The following PCSK2 variants were observed in gnomAD, a reference collection of about 807,000 sequenced individuals.
PCSK2 encodes the protein proprotein convertase subtilisin/kexin type 2.
In PCSK2, 14 loss-of-function variants were observed where a neutral mutation model predicts 69.7. The observed-to-expected ratio is 0.20, with a 90% confidence interval of 0.13 to 0.31. The LOEUF (loss-of-function observed/expected upper bound fraction) is 0.31. Among genes scored for constraint, PCSK2 ranks in the 10% least tolerant of loss-of-function variants. The pLI, the probability that PCSK2 is intolerant of heterozygous loss-of-function variation, is 1.00. For synonymous variants in PCSK2, 307 were observed against 320.7 expected (o/e 0.96, Z 0.46); for missense variants, 544 against 842.5 (o/e 0.65, Z 4.39).
At chr20:17,260,196 A>G (rs754631463) in intron 1 of PCSK2, 44 bp from the exon 2 acceptor site, 24 of 1,307,356 alleles carry the variant, frequency 1.8e-5, no homozygotes, top group South Asian at 1.2e-5. Flanking sequence ...CCCTGGGCCA[A>G]CCCCAGAAGC....
chr20:17,233,750 C>T (rs1276476757), intron 1 of PCSK2, among the ~76,000 whole-genome samples: 1 of 152,190 alleles, frequency 6.6e-6, no homozygotes, highest in African/African-American at 2.4e-5. Flanking sequence ...GCACCAGATT[C>T]ATTGCTCCTT....
At chr20:17,334,503 G>A (rs1382693589) in intron 2 of PCSK2, among the ~76,000 whole-genome samples, 3 of 152,142 alleles carry the variant, frequency 2.0e-5, no homozygotes, top group Admixed American at 6.5e-5. Flanking sequence ...TGGTGACAGC[G>A]ATCAGAGCGG....
chr20:17,335,852 T>C (rs1990335002), intron 2 of PCSK2, among the ~76,000 whole-genome samples: 1 of 107,274 alleles, frequency 9.3e-6, no homozygotes, highest in Non-Finnish European at 1.9e-5. Context: ...TGAGTAGTAG[T>C]CCATGGTGTG....
intron 2 of PCSK2, among the ~76,000 whole-genome samples, chr20:17,337,533 T>C (rs1310776275): frequency 1.3e-5 from 2 of 152,290 alleles, no homozygotes; most frequent in Middle Eastern, 3.4e-3. Flanking sequence ...GAAAATAAAA[T>C]TGGCTTTTCT....
intron 2 of PCSK2, among the ~76,000 whole-genome samples, chr20:17,287,976 G>A (rs1988575559): frequency 6.6e-6 from 1 of 152,226 alleles, no homozygotes; most frequent in Non-Finnish European, 1.5e-5. Flanking sequence ...TGGGGATGGG[G>A]TGTTTTTCCT....
rs988932058 is a variant in PCSK2 at position 17,355,280 on chromosome 20, A to C, written c.283-3047A>C. Among the ~76,000 whole-genome samples, 3 of 152,184 alleles carry C rather than the reference A, an allele frequency of 2.0e-5. No homozygotes were observed. The South Asian group carries it at 6.2e-4, about 31-fold the overall frequency. ...GAGTATTTTTGTTCTTACGCTACTG[A>C]GAAACAACATATTGCTTAGAGTTTT... On this transcript the variant is annotated intron_variant, in intron 2 of 11. Coordinates refer to ENST00000262545, the MANE Select transcript of PCSK2 (RefSeq NM_002594.5).
Position 17,482,322 on chromosome 20 carries a change from AT to A in PCSK2, c.*254del, listed in dbSNP as rs1182418706. 2 of 192,648 alleles carry A rather than the reference AT, an allele frequency of 1.0e-5. No homozygotes were observed. The highest frequency in any genetic ancestry group is 5.1e-5 in the African/African-American group (2 of 39,576). 11.9% of individuals were successfully genotyped at this position (192,648 alleles called of 1,614,324 possible). ...TGACTCTAAATTCTTTATTTCTGTC[AT>A]TCAAATGGGTGATATCCTGAAAAAA... is the stretch of plus-strand genomic sequence containing the variant. On this transcript the variant is annotated 3_prime_UTR_variant, in exon 12 of 12. Coordinates refer to ENST00000262545, the MANE Select transcript of PCSK2 (RefSeq NM_002594.5).
chr20:17,270,523 G>C (rs1375345996), intron 2 of PCSK2, among the ~76,000 whole-genome samples: 1 of 152,080 alleles, frequency 6.6e-6, no homozygotes, highest in Non-Finnish European at 1.5e-5. Context: ...GCCATTATCT[G>C]TACCAAAAAC....
chr20:17,437,322 T>C (rs548621975), intron 8 of PCSK2, among the ~76,000 whole-genome samples: 2 of 152,296 alleles, frequency 1.3e-5, no homozygotes, highest in South Asian at 2.1e-4. Context: ...ATGACCACAA[T>C]GCTCGTGGGG....
intron 2 of PCSK2, 40 bp downstream of exon 2, chr20:17,260,384 C>A: frequency 2.9e-6 from 4 of 1,390,450 alleles, no homozygotes; most frequent in South Asian, 1.2e-5. Flanking sequence ...ATCTCTGCTG[C>A]CATGGCTGAG....
At chr20:17,342,898 C>T (rs926645953) in intron 2 of PCSK2, among the ~76,000 whole-genome samples, 14 of 152,106 alleles carry the variant, frequency 9.2e-5, no homozygotes, top group Non-Finnish European at 1.6e-4. Context: ...TCAAGGAATC[C>T]TTCCACCTTA....
At chr20:17,257,720 C>G (rs1987231884) in intron 1 of PCSK2, among the ~76,000 whole-genome samples, 1 of 152,162 alleles carries the variant, frequency 6.6e-6, no homozygotes, top group African/African-American at 2.4e-5. Flanking sequence ...CTGCTATGGC[C>G]TTCACCTCCT....
intron 4 of PCSK2, among the ~76,000 whole-genome samples, chr20:17,362,779 T>C (rs1019965938): frequency 5.3e-5 from 8 of 152,330 alleles, no homozygotes; most frequent in Admixed American, 4.6e-4. Context: ...AACTCTGAAT[T>C]TGTGGCCATT....
intron 5 of PCSK2, among the ~76,000 whole-genome samples, chr20:17,378,618 T>C (rs1291222571): frequency 6.8e-6 from 1 of 148,112 alleles, no homozygotes; most frequent in Non-Finnish European, 1.5e-5. Context: ...GATGGATGGA[T>C]GGATGGATGG....
chr20:17,402,025 C>T (rs1360088495), intron 5 of PCSK2, among the ~76,000 whole-genome samples: 1 of 152,138 alleles, frequency 6.6e-6, no homozygotes, highest in Non-Finnish European at 1.5e-5. Context: ...CTAATACATG[C>T]TTCACTGGCC....
At chr20:17,413,560 T>C (rs2031927563) in intron 6 of PCSK2, among the ~76,000 whole-genome samples, 1 of 152,150 alleles carries the variant, frequency 6.6e-6, no homozygotes, top group Non-Finnish European at 1.5e-5. Context: ...ACAAAGAGAC[T>C]TAGAGTCCCA....
At chr20:17,285,162 C>T (rs1988468373) in intron 2 of PCSK2, among the ~76,000 whole-genome samples, 1 of 152,096 alleles carries the variant, frequency 6.6e-6, no homozygotes, top group African/African-American at 2.4e-5. Context: ...CTTCTTAACC[C>T]TGTGAGGATG....
At position 17,433,813 on chromosome 20, in the gene PCSK2, C is replaced by CTCTCTCTCT. The variant is rs59651477; in HGVS notation, c.710-2895_710-2894insTCTCTCTCT. Among the ~76,000 whole-genome samples, 102 of 98,698 alleles carry CTCTCTCTCT rather than the reference C, an allele frequency of 1.0e-3. 7 individuals are homozygous for CTCTCTCTCT. Among genetic ancestry groups the CTCTCTCTCT allele is most frequent in the African/African-American group, 2.7e-3 (61 of 22,730 alleles). 64.7% of individuals were successfully genotyped at this position (98,698 alleles called of 152,430 possible). On this transcript the variant is annotated intron_variant, in intron 7 of 11. Coordinates refer to ENST00000262545, the MANE Select transcript of PCSK2 (RefSeq NM_002594.5). ...TCTCTCTCTCTCTCTCTCTCTCTCTCCCCCCACTTCCTTCCCTCCTCCTCC... is the reference window on the plus strand; with the variant it reads ...TCTCTCTCTCTCTCTCTCTCTCTCTCTCTCTCTCTCCCCCACTTCCTTCCCTCCTCCTCC...
intron 5 of PCSK2, among the ~76,000 whole-genome samples, chr20:17,377,880 C>T (rs1296413355): frequency 6.6e-6 from 1 of 152,204 alleles, no homozygotes; most frequent in Non-Finnish European, 1.5e-5. Context: ...CAAAATGAAA[C>T]TACTTGTATG....
Sources: gnomAD v4.1 joint callset for allele counts (sites outside exome capture counted in the v4.1 genomes callset) on GRCh38, gnomAD v4.1.1 for gene constraint, MANE v1.5 for transcripts, NCBI Gene and HGNC (gene_info 2026-07-23, HGNC 2026-07-21) for gene names.